NR3C2: variants seen among roughly 807,000 people sequenced by gnomAD.
NR3C2 encodes nuclear receptor subfamily 3 group C member 2.
NR3C2 carries 15 observed loss-of-function variants against 86.4 expected under a neutral mutation model. The ratio of observed to expected loss-of-function variants is 0.17; its 90% CI spans 0.12 to 0.27. NR3C2 has a LOEUF of 0.27. Among genes scored for constraint, NR3C2 ranks in the 10% least tolerant of loss-of-function variants. The pLI is 1.00. For missense variants in NR3C2, 960 were observed against 1,195.6 expected, an observed-to-expected ratio of 0.80 and a Z score of 2.91; for synonymous variants, 458 against 450.5, an observed-to-expected ratio of 1.02 and a Z score of -0.21.
chr4:148,099,882 T>C (rs1235025530), intron 8 of NR3C2, among the ~76,000 whole-genome samples: 1 of 152,176 alleles, frequency 6.6e-6, no homozygotes, highest in Non-Finnish European at 1.5e-5. Context: ...GTGGTTTTTT[T>C]CTCCCTAAAA....
intron 2 of NR3C2, among the ~76,000 whole-genome samples, chr4:148,320,659 T>G (rs531835658): frequency 1.2e-4 from 19 of 152,088 alleles, no homozygotes; most frequent in Non-Finnish European, 2.6e-4. Context: ...CTAGTTTATT[T>G]GCATAGAGGT....
Position 148,080,409 on chromosome 4 carries a change from A to G in NR3C2, c.*935T>C, listed in dbSNP as rs1183572743. The G allele has an allele frequency of 6.5e-6, 1 of 152,716 alleles. No individual in the cohort carries two copies. Among genetic ancestry groups the G allele is most frequent in the Admixed American group, 6.5e-5 (1 of 15,284 alleles). 9.5% of individuals were successfully genotyped at this position (152,716 alleles called of 1,614,324 possible). On this transcript the variant is annotated 3_prime_UTR_variant, in exon 9 of 9. Transcript: ENST00000358102. ...AGGCACAGCTTTCCCTTTCTTAAATACACTGTAAACGGTTCATTATGCATG... is the reference window on the plus strand; with the variant it reads ...AGGCACAGCTTTCCCTTTCTTAAATGCACTGTAAACGGTTCATTATGCATG...
intron 8 of NR3C2, among the ~76,000 whole-genome samples, chr4:148,086,486 G>A (rs1299295099): frequency 6.6e-6 from 1 of 152,180 alleles, no homozygotes; most frequent in African/African-American, 2.4e-5. Flanking sequence ...TGTTATCCCA[G>A]CACTTTGAGA....
At chr4:148,307,498 G>T (rs1742688270) in intron 2 of NR3C2, among the ~76,000 whole-genome samples, 1 of 152,220 alleles carries the variant, frequency 6.6e-6, no homozygotes, top group Non-Finnish European at 1.5e-5. Flanking sequence ...TGAGATGTAT[G>T]CATGACACAG....
chr4:148,366,929 A>T (rs1424983590), intron 2 of NR3C2, among the ~76,000 whole-genome samples: 1 of 152,142 alleles, frequency 6.6e-6, no homozygotes, highest in Non-Finnish European at 1.5e-5. Context: ...CCAACCTACA[A>T]AAAAACTACT....
intron 2 of NR3C2, among the ~76,000 whole-genome samples, chr4:148,418,975 G>A (rs1352782526): frequency 6.6e-6 from 1 of 150,622 alleles, no homozygotes; most frequent in Non-Finnish European, 1.5e-5. Context: ...ATCCTCCCTA[G>A]AGGATGCTAT....
chr4:148,112,520 T>TG (rs1732089923), intron 8 of NR3C2, among the ~76,000 whole-genome samples: 1 of 152,240 alleles, frequency 6.6e-6, no homozygotes, highest in South Asian at 2.1e-4. Context: ...TCCTTTTGTG[T>TG]GAGTCATGAA....
At chr4:148,355,610 C>T (rs1334367953) in intron 2 of NR3C2, among the ~76,000 whole-genome samples, 2 of 152,178 alleles carry the variant, frequency 1.3e-5, no homozygotes, top group African/African-American at 4.8e-5. Flanking sequence ...ACTGGATGCT[C>T]TGGCATCTGC....
intron 2 of NR3C2, among the ~76,000 whole-genome samples, chr4:148,336,583 A>T (rs371023421): frequency 5.9e-5 from 9 of 152,122 alleles, no homozygotes; most frequent in East Asian, 1.9e-4. Flanking sequence ...ATATACACAC[A>T]CCATGGAATC....
intron 8 of NR3C2, among the ~76,000 whole-genome samples, chr4:148,089,364 C>T (rs1306076553): frequency 6.6e-6 from 1 of 152,192 alleles, no homozygotes; most frequent in Non-Finnish European, 1.5e-5. Flanking sequence ...GCAGTTTCCT[C>T]ATCTGTATCC....
intron 6 of NR3C2, among the ~76,000 whole-genome samples, chr4:148,137,162 A>G (rs2149749768): frequency 6.6e-6 from 1 of 152,300 alleles, no homozygotes; most frequent in East Asian, 1.9e-4. Context: ...TCTCACTGGT[A>G]TGGTAGCACT....
At chr4:148,332,869 A>G (rs945665074) in intron 2 of NR3C2, among the ~76,000 whole-genome samples, 2 of 152,148 alleles carry the variant, frequency 1.3e-5, no homozygotes, top group Non-Finnish European at 2.9e-5. Flanking sequence ...GTGTATGTGT[A>G]TGTGTTTCGA....
Position 148,375,463 on chromosome 4 carries a change from GAA to G in NR3C2, c.1757+59639_1757+59640del, listed in dbSNP as rs76084170. 9.1e-4 allele frequency among the ~76,000 whole-genome samples: 106 copies of G among 116,644 alleles called. 1 individual carries two copies. The highest frequency in any genetic ancestry group is 3.2e-3 in the African/African-American group (100 of 31,636). 76.5% of individuals were successfully genotyped at this position (116,644 alleles called of 152,430 possible). A position where few individuals can be genotyped will look rare whatever the true frequency, so the allele number is the denominator to read the frequency against. On this transcript the variant is annotated intron_variant, in intron 2 of 8. Transcript: ENST00000358102. ...AGAGCAAGACTCTATCTCAAAGAAA[GAA>G]AAAAAAAAAAACCCTGCAAAATTTA...
upstream of NR3C2, chr4:148,442,480 G>C: frequency 1.8e-5 from 4 of 219,248 alleles, no homozygotes; most frequent in Non-Finnish European, 3.1e-5. Flanking sequence ...GCGGGCGAAA[G>C]CCCGGAGGGG....
chr4:148,243,164 A>C (rs1371611193), intron 3 of NR3C2, among the ~76,000 whole-genome samples: 2 of 151,756 alleles, frequency 1.3e-5, no homozygotes, highest in Non-Finnish European at 2.9e-5. Context: ...CTGAGTAGCT[A>C]GGATTATGGG....
In NR3C2 at chr4:148,436,837, A is replaced by T. The variant is rs753453239; in HGVS notation, c.24T>A (p.Ser8Arg). 2 of 1,611,164 alleles carry T rather than the reference A, an allele frequency of 1.2e-6. No homozygotes were observed. The highest frequency in any genetic ancestry group is 2.2e-5 in the East Asian group (1 of 44,882). METKGYH[S>R]LPEGLDMERR... ...TTTCCATATCTAGACCTTCAGGGAGACTGTGGTAGCCTTTGGTCTCCATCG... is the reference window on the plus strand; with the variant it reads ...TTTCCATATCTAGACCTTCAGGGAGTCTGTGGTAGCCTTTGGTCTCCATCG... Residue 8 changes from serine (S) to arginine (R), a missense_variant, in exon 2 of 9, where the codon AGT becomes AGA. Physicochemically the swap from Ser to Arg is moderately radical, Grantham distance 110. This residue lies in a region of NR3C2 where 680 missense variants were observed against 719.0 expected (regional missense o/e 0.95). Coordinates refer to ENST00000358102, the MANE Select transcript of NR3C2 (RefSeq NM_000901.5).
intron 3 of NR3C2, among the ~76,000 whole-genome samples, chr4:148,213,710 C>A (rs1481763850): frequency 6.6e-6 from 1 of 152,172 alleles, no homozygotes; most frequent in East Asian, 1.9e-4. Context: ...AAAATAAAAT[C>A]TTCTTCAATG....
At chr4:148,441,743 A>T (rs1750349411) in intron 1 of NR3C2, among the ~76,000 whole-genome samples, 1 of 152,216 alleles carries the variant, frequency 6.6e-6, no homozygotes, top group African/African-American at 2.4e-5. Context: ...ATCTATTAGG[A>T]TCTATATCTC....
chr4:148,318,943 T>A (rs997451113), intron 2 of NR3C2, among the ~76,000 whole-genome samples: 17 of 151,222 alleles, frequency 1.1e-4, no homozygotes, highest in Admixed American at 2.6e-4. Context: ...AGACATGAAG[T>A]CCTTGCCCAT....
Sources: allele counts gnomAD v4.1 joint callset (sites outside exome capture counted in the v4.1 genomes callset), GRCh38; gene constraint gnomAD v4.1.1; regional missense constraint gnomAD v4.1.1; transcripts MANE v1.5; gene names NCBI Gene and HGNC (gene_info 2026-07-23, HGNC 2026-07-21).